PDE9A: variants seen among roughly 807,000 people sequenced by gnomAD.
PDE9A encodes the protein high affinity cGMP-specific 3',5'-cyclic phosphodiesterase 9A.
In PDE9A, 60 loss-of-function variants were observed where a neutral mutation model predicts 87.4. The ratio of observed to expected loss-of-function variants is 0.69; its 90% CI spans 0.56 to 0.85. The LOEUF is 0.85. Ranked by LOEUF, PDE9A falls within the 40% of genes least tolerant of loss-of-function variation. The pLI, the probability that PDE9A is intolerant of heterozygous loss-of-function variation, is 0.00. For synonymous variants in PDE9A, 272 were observed against 279.4 expected, an observed-to-expected ratio of 0.97 and a Z score of 0.27; for missense variants, 665 against 779.0, an observed-to-expected ratio of 0.85 and a Z score of 1.74.
At chr21:42,764,431 CG>C (rs1049258805) in intron 14 of PDE9A, among the ~76,000 whole-genome samples, 4 of 152,326 alleles carry the variant, frequency 2.6e-5, no homozygotes, top group Non-Finnish European at 2.9e-5. Flanking sequence ...GAAGAGAGAA[CG>C]CTGCATCTGC....
chr21:42,770,912 T>A (rs1317921910), intron 18 of PDE9A, 114 bp downstream of exon 18: 4 of 734,158 alleles, frequency 5.4e-6, no homozygotes, highest in Non-Finnish European at 9.6e-6. Context: ...GAAGGCCCCG[T>A]GGACAGGCAC....
intron 19 of PDE9A, among the ~76,000 whole-genome samples, chr21:42,773,441 C>T (rs2057204606): frequency 6.6e-6 from 1 of 152,130 alleles, no homozygotes; most frequent in Non-Finnish European, 1.5e-5. Flanking sequence ...TGAGCATTTT[C>T]CTCTGTACTT....
At chr21:42,725,639 C>T (rs1204075736) in intron 4 of PDE9A, among the ~76,000 whole-genome samples, 1 of 152,156 alleles carries the variant, frequency 6.6e-6, no homozygotes, top group African/African-American at 2.4e-5. Context: ...CCAGCACAAC[C>T]CCCTGGCATC....
At chr21:42,681,148 A>C (rs895670929) in intron 1 of PDE9A, among the ~76,000 whole-genome samples, 5 of 152,222 alleles carry the variant, frequency 3.3e-5, no homozygotes, top group Non-Finnish European at 7.3e-5. Context: ...GGTGGAGTTG[A>C]TGCCATCAAC....
At chr21:42,755,062 C>T (rs967018487) in intron 10 of PDE9A, among the ~76,000 whole-genome samples, 2 of 152,226 alleles carry the variant, frequency 1.3e-5, no homozygotes, top group East Asian at 3.8e-4. Flanking sequence ...CCCCTCTTTT[C>T]ACACCCCAAA....
Position 42,695,490 on chromosome 21 carries a change from G to C in PDE9A, c.219-3478G>C, listed in dbSNP as rs1231109019. Among the ~76,000 whole-genome samples, 1 of 152,218 alleles carries C rather than the reference G, an allele frequency of 6.6e-6. No homozygotes were observed. The highest frequency in any genetic ancestry group is 2.1e-4 in the South Asian group (1 of 4,836). ...GTGTGTGGTGAGACACATACAGAGG[G>C]GAGAGGGCCAGAGGACGGCGCCGTG... On this transcript the variant is annotated intron_variant, in intron 3 of 19. Transcript: ENST00000291539. The surrounding 1 kb of genome is among the most constrained non-coding windows in gnomAD (Gnocchi z 4.3).
rs778256490 is a variant in PDE9A at position 42,770,763 on chromosome 21, G to T, written c.1651G>T (p.Glu551Ter). Reference protein sequence around the residue: ...QPLWESRDRYEELKRIDDAMK... With the variant: ...QPLWESRDRY ...ACTTTGGGAATCCCGAGATCGCTAC[G>T]AGGAGCTGAAGCGGATAGATGACGC... is the stretch of plus-strand genomic sequence containing the variant. Residue 551 changes from glutamate (E) to a stop codon, truncating the protein, a stop_gained, in exon 18 of 20, where the codon GAG becomes TAG. Transcript: ENST00000291539. LOFTEE classifies it high-confidence loss of function. The T allele has an allele frequency of 1.2e-6, 2 of 1,614,076 alleles. No homozygotes were observed.
chr21:42,694,885 C>G lies in PDE9A; in HGVS notation c.219-4083C>G, dbSNP rs2060059107. Among the ~76,000 whole-genome samples, 1 of 152,218 alleles carries G rather than the reference C, an allele frequency of 6.6e-6. No homozygotes were observed. Among genetic ancestry groups the G allele is most frequent in the African/African-American group, 2.4e-5 (1 of 41,454 alleles). On this transcript the variant is annotated intron_variant, in intron 3 of 19. Coordinates refer to ENST00000291539, the MANE Select transcript of PDE9A (RefSeq NM_002606.3). The surrounding 1 kb of genome is among the most constrained non-coding windows in gnomAD (Gnocchi z 5.3). ...CCAATCCACCATAATGTACTTGTCT[C>G]CAATCTGCTGAGCTGCATGAATGCC... is the stretch of plus-strand genomic sequence containing the variant.
At position 42,663,309 on chromosome 21, in the gene PDE9A, A is replaced by G. The variant is rs539102468; in HGVS notation, c.69+9426A>G. 2.0e-4 allele frequency among the ~76,000 whole-genome samples: 29 copies of G among 142,592 alleles called. 1 individual carries two copies. Among genetic ancestry groups the G allele is most frequent in the Admixed American group, 4.9e-4 (7 of 14,426 alleles). The allele number at this position is 142,592 out of a possible 152,430, so 93.5% of individuals were successfully genotyped here. A position where few individuals can be genotyped will look rare whatever the true frequency, so the allele number is the denominator to read the frequency against. ...AGGCACATCACACACATACATACAC[A>G]CCGCGCACACATCACACACATGCAC... On this transcript the variant is annotated intron_variant, in intron 1 of 19. Transcript: ENST00000291539.
chr21:42,745,382 G>C (rs1233790868), intron 8 of PDE9A, among the ~76,000 whole-genome samples: 1 of 152,266 alleles, frequency 6.6e-6, no homozygotes, highest in Non-Finnish European at 1.5e-5. Flanking sequence ...TGACTTAGGG[G>C]AAGTCAGGCC....
At chr21:42,714,581 T>C (rs2049674827) in intron 4 of PDE9A, among the ~76,000 whole-genome samples, 1 of 148,204 alleles carries the variant, frequency 6.7e-6, no homozygotes, top group African/African-American at 2.5e-5. Flanking sequence ...CTACCAGTCT[T>C]TGTTGATATG....
At chr21:42,753,967 C>T (rs748698162) in intron 9 of PDE9A, 23 bp from the exon 10 acceptor site, 5 of 1,531,610 alleles carry the variant, frequency 3.3e-6, no homozygotes, top group Non-Finnish European at 4.5e-6. Flanking sequence ...GCCTGGTTAA[C>T]ACGGAACTCC....
chr21:42,752,689 C>T (rs2054563713), intron 9 of PDE9A, among the ~76,000 whole-genome samples: 1 of 152,216 alleles, frequency 6.6e-6, no homozygotes, highest in South Asian at 2.1e-4. Context: ...AGGTGTCAGC[C>T]CTCCAGATCT....
intron 4 of PDE9A, among the ~76,000 whole-genome samples, chr21:42,725,837 C>G (rs1483107981): frequency 1.3e-5 from 2 of 152,178 alleles, no homozygotes; most frequent in African/African-American, 4.8e-5. Context: ...ATCAGTTCTC[C>G]GCGTACATCA....
At chr21:42,735,308 G>T (rs1332991426) in intron 7 of PDE9A, among the ~76,000 whole-genome samples, 2 of 152,202 alleles carry the variant, frequency 1.3e-5, no homozygotes, top group Non-Finnish European at 2.9e-5. Flanking sequence ...ACTGGCTACA[G>T]GTTCAAAATC....
At chr21:42,773,193 T>A (rs545288481) in intron 19 of PDE9A, among the ~76,000 whole-genome samples, 1 of 129,994 alleles carries the variant, frequency 7.7e-6, no homozygotes, top group Non-Finnish European at 1.6e-5. Flanking sequence ...ACCTGGGAGG[T>A]GGAGGTTGCA....
intron 4 of PDE9A, among the ~76,000 whole-genome samples, chr21:42,725,794 G>T (rs1197245883): frequency 1.3e-5 from 2 of 152,128 alleles, no homozygotes; most frequent in Non-Finnish European, 2.9e-5. Context: ...AAATACATCC[G>T]CCAGGAACAT....
At chr21:42,698,227 T>C (rs994036244) in intron 3 of PDE9A, among the ~76,000 whole-genome samples, 1 of 152,218 alleles carries the variant, frequency 6.6e-6, no homozygotes, top group Non-Finnish European at 1.5e-5. Flanking sequence ...TGCCGCCCTG[T>C]GTCCTTGTAG....
At chr21:42,740,927 C>T (rs2053182342) in intron 7 of PDE9A, among the ~76,000 whole-genome samples, 2 of 152,138 alleles carry the variant, frequency 1.3e-5, no homozygotes, top group Non-Finnish European at 2.9e-5. Flanking sequence ...AAATATTATT[C>T]TTTGAAGTGC....
Sources: allele counts gnomAD v4.1 joint callset (sites outside exome capture counted in the v4.1 genomes callset), GRCh38; gene constraint gnomAD v4.1.1; non-coding constraint Gnocchi (gnomAD v3.1); transcripts MANE v1.5; gene names NCBI Gene and HGNC (gene_info 2026-07-23, HGNC 2026-07-21).